Variants in GFM1 observed in about 807,000 individuals in gnomAD.
GFM1 encodes G elongation factor mitochondrial 1.
In GFM1, 62 loss-of-function variants were observed where a neutral mutation model predicts 96.2. That is an observed-to-expected ratio of 0.64 (90% CI 0.53 to 0.80). GFM1 has a LOEUF of 0.80. Ranked by LOEUF, GFM1 falls within the 30% of genes least tolerant of loss-of-function variation. GFM1 has a pLI of 0.00. For synonymous variants in GFM1, 282 were observed against 312.9 expected (o/e 0.90, Z 1.04); for missense variants, 852 against 916.6 (o/e 0.93, Z 0.91).
intron 5 of GFM1, chr3:158,650,064 G>T: frequency 6.5e-7 from 1 of 1,534,822 alleles, no homozygotes; most frequent in Non-Finnish European, 8.7e-7. Flanking sequence ...TCTGGCAGGT[G>T]GGCGAATGGC....
intron 9 of GFM1, 38 bp downstream of exon 9, chr3:158,659,097 G>A (rs2108035783): frequency 6.2e-7 from 1 of 1,612,408 alleles, no homozygotes; most frequent in East Asian, 2.2e-5. Context: ...AAATTCCTCT[G>A]ATGTGGGTGA....
rs1726402189 is a variant in GFM1 at position 158,692,632 on chromosome 3, A to C, written c.*1165A>C. ...TATACTTTAAGGTTTCTAGGGGAAA[A>C]AGATCTTTAAAAAGTATTGAGCACA... On this transcript the variant is annotated 3_prime_UTR_variant, in exon 18 of 18. Transcript: ENST00000486715. The C allele has an allele frequency of 1.3e-5, 2 of 152,252 alleles. No homozygotes were observed. The highest frequency in any genetic ancestry group is 4.1e-4 in the South Asian group (2 of 4,828). 9.4% of individuals were successfully genotyped at this position (152,252 alleles called of 1,614,324 possible).
intron 13 of GFM1, among the ~76,000 whole-genome samples, chr3:158,677,078 CT>C (rs1724968231): frequency 6.6e-6 from 1 of 152,140 alleles, no homozygotes; most frequent in South Asian, 2.1e-4. Flanking sequence ...ATATTTCAAA[CT>C]TTTTCATTAT....
At chr3:158,679,029 A>G (rs1725144627) in intron 13 of GFM1, among the ~76,000 whole-genome samples, 1 of 152,216 alleles carries the variant, frequency 6.6e-6, no homozygotes, top group African/African-American at 2.4e-5. Flanking sequence ...AGAAATTGCC[A>G]CAGCCACCTC....
chr3:158,653,231 TA>T, intron 6 of GFM1, 78 bp from the exon 7 acceptor site: 2 of 1,150,612 alleles, frequency 1.7e-6, no homozygotes, highest in South Asian at 2.6e-5. Context: ...CAGTTCATTT[TA>T]TTCATTTGTT....
At chr3:158,645,111 G>A (rs1186030685) in intron 1 of GFM1, among the ~76,000 whole-genome samples, 2 of 151,862 alleles carry the variant, frequency 1.3e-5, no homozygotes, top group Non-Finnish European at 2.9e-5. Flanking sequence ...TGCCACCAGA[G>A]TAAAGTTAAA....
chr3:158,655,968 T>C, intron 8 of GFM1: 1 of 456,086 alleles, frequency 2.2e-6, no homozygotes, highest in Non-Finnish European at 4.4e-6. Flanking sequence ...TTTTGAGAAG[T>C]ATTGGTCAGC....
intron 5 of GFM1, 22 bp from the exon 6 acceptor site, chr3:158,652,073 CA>C: frequency 6.2e-7 from 1 of 1,609,768 alleles, no homozygotes; most frequent in South Asian, 1.1e-5. Flanking sequence ...ATCCTTAAAG[CA>C]CCAAAATATT....
At chr3:158,688,590 G>T (rs1462895305) in intron 15 of GFM1, among the ~76,000 whole-genome samples, 1 of 152,070 alleles carries the variant, frequency 6.6e-6, no homozygotes, top group Non-Finnish European at 1.5e-5. Flanking sequence ...CTCCTTCTGG[G>T]TGCTTTTTTT....
At position 158,676,992 on chromosome 3, in the gene GFM1, G is replaced by A. The variant is rs909254916; in HGVS notation, c.1602-5003G>A. On this transcript the variant is annotated intron_variant, in intron 13 of 17. Transcript: ENST00000486715. ...TGGGATTACAGGCATGAGCCGCCAC[G>A]CCCGGCCTCACCTCCATTTTTCTAA... is the stretch of plus-strand genomic sequence containing the variant. 4.6e-5 allele frequency among the ~76,000 whole-genome samples: 7 copies of A among 152,254 alleles called. No individual in the cohort carries two copies. In the East Asian group the frequency reaches 7.7e-4, roughly 17 times the overall value.
intron 13 of GFM1, among the ~76,000 whole-genome samples, chr3:158,675,924 T>G (rs951903364): frequency 1.3e-5 from 2 of 152,244 alleles, no homozygotes; most frequent in Admixed American, 1.3e-4. Flanking sequence ...GGTTGTTATA[T>G]ATGTGTTGTT....
chr3:158,647,073 G>A (rs774743815), intron 4 of GFM1, 126 bp downstream of exon 4: 22 of 777,880 alleles, frequency 2.8e-5, no homozygotes, highest in Non-Finnish European at 4.3e-5. Flanking sequence ...ATATATTTAT[G>A]TGAGTTAGTA....
At chr3:158,669,374 A>C in intron 13 of GFM1, 1 of 1,497,258 alleles carries the variant, frequency 6.7e-7, no homozygotes, top group Non-Finnish European at 9.1e-7. Context: ...AAGCACAGAT[A>C]ATTGAGATTG....
At chr3:158,678,019 A>T (rs1385525346) in intron 13 of GFM1, among the ~76,000 whole-genome samples, 1 of 152,172 alleles carries the variant, frequency 6.6e-6, no homozygotes, top group African/African-American at 2.4e-5. Flanking sequence ...AATTATGCTA[A>T]ATCTACTCTG....
At chr3:158,681,841 T>C in intron 13 of GFM1, 154 bp from the exon 14 acceptor site, 1 of 746,066 alleles carries the variant, frequency 1.3e-6, no homozygotes, top group East Asian at 2.7e-5. Flanking sequence ...GAGGGTTCTT[T>C]TTAAAATAAA....
chr3:158,685,350 C>T (rs1725751035), intron 15 of GFM1: 1 of 152,236 alleles, frequency 6.6e-6, no homozygotes, highest in Non-Finnish European at 1.5e-5. Flanking sequence ...CAGAAAATTC[C>T]ATTCTCTTTG....
At chr3:158,690,430 C>T in intron 16 of GFM1, 107 bp downstream of exon 16, 2 of 1,081,426 alleles carry the variant, frequency 1.8e-6, no homozygotes, top group Non-Finnish European at 2.9e-6. Context: ...GAATTTGTGG[C>T]TTTATACATG....
At chr3:158,651,068 G>A (rs977759930) in intron 5 of GFM1, 3 of 138,762 alleles carry the variant, frequency 2.2e-5, no homozygotes, top group Admixed American at 7.2e-5. Flanking sequence ...AAAATTTTCA[G>A]ACTGCTTTTA....
rs1251680586 is a variant in GFM1, at chr3:158,644,941, T to C, written c.81+226T>C. 9.9e-6 allele frequency: 5 copies of C among 503,222 alleles called. No homozygotes were observed. The Admixed American group carries it at 1.4e-4, about 14-fold the overall frequency. The allele number at this position is 503,222 out of a possible 1,614,324, so 31.2% of individuals were successfully genotyped here. ...GGGTTTAATCAACTAAAAGTGTCTG[T>C]CACTCAGATACTTTGATATTTTATC... On this transcript the variant is annotated intron_variant, in intron 1 of 17. Transcript: ENST00000486715.
Sources: gnomAD v4.1 joint callset for allele counts (sites outside exome capture counted in the v4.1 genomes callset) on GRCh38, gnomAD v4.1.1 for gene constraint, MANE v1.5 for transcripts, NCBI Gene and HGNC (gene_info 2026-07-23, HGNC 2026-07-21) for gene names.